The following SYN3 variants were observed in gnomAD, a reference collection of about 807,000 sequenced individuals.
The protein encoded by SYN3 is synapsin-3.
In SYN3, 35 loss-of-function variants were observed where a neutral mutation model predicts 65.8. The observed-to-expected ratio is 0.53, with a 90% CI of 0.41 to 0.70. SYN3 has a LOEUF of 0.70. SYN3 is among the 30% of genes least tolerant of loss of function. The probability of loss-of-function intolerance (pLI) is 0.00; values close to 1 mark genes in which losing one functional copy is unlikely to be tolerated. For synonymous variants in SYN3, 270 were observed against 292.9 expected, an observed-to-expected ratio of 0.92 and a Z score of 0.80; for missense variants, 680 against 749.0, an observed-to-expected ratio of 0.91 and a Z score of 1.08.
At position 32,920,141 on chromosome 22, in the gene SYN3, C is replaced by T. The variant is rs138806406; in HGVS notation, c.461+11249G>A. The stretch of plus-strand genomic sequence containing the variant: ...TCTGACCTTCTAATGAGCGGATGCA[C>T]ATTATCAGCCGCTGCGGTTTGAACG... On this transcript the variant is annotated intron_variant, in intron 4 of 13. Coordinates refer to ENST00000358763, the MANE Select transcript of SYN3 (RefSeq NM_003490.4). Among the ~76,000 whole-genome samples the T allele has an allele frequency of 3.1e-3, 466 of 152,328 alleles. 3 individuals are homozygous for T. The highest frequency in any genetic ancestry group is 6.8e-3 in the Middle Eastern group (2 of 294).
intron 10 of SYN3, among the ~76,000 whole-genome samples, chr22:32,530,470 C>T (rs528038011): frequency 6.6e-6 from 1 of 152,276 alleles, no homozygotes; most frequent in African/African-American, 2.4e-5. Flanking sequence ...AGCACTGGAA[C>T]AGCACACCAG....
intron 2 of SYN3, among the ~76,000 whole-genome samples, chr22:32,985,407 G>A (rs59860687): frequency 0.041 from 6,294 of 152,232 alleles, 471 homozygotes; most frequent in African/African-American, 0.14. Flanking sequence ...CTGTCTCACA[G>A]GTGCAAGGAG....
At chr22:32,885,921 C>T (rs545898379) in intron 4 of SYN3, among the ~76,000 whole-genome samples, 9 of 152,264 alleles carry the variant, frequency 5.9e-5, no homozygotes, top group East Asian at 1.9e-4. Context: ...CTGGCTGAAA[C>T]GAACCAGGAT....
chr22:32,898,464 C>T (rs947995658), intron 4 of SYN3, among the ~76,000 whole-genome samples: 3 of 152,214 alleles, frequency 2.0e-5, no homozygotes, highest in African/African-American at 7.2e-5. Context: ...ACACTTGTAG[C>T]TACTCATCTG....
chr22:32,840,637 C>T (rs1038801705), intron 6 of SYN3, among the ~76,000 whole-genome samples: 5 of 152,010 alleles, frequency 3.3e-5, no homozygotes, highest in African/African-American at 9.7e-5. Flanking sequence ...TCCTTACCGC[C>T]GCCCCCTCCG....
chr22:32,885,609 G>A (rs1475854813), intron 4 of SYN3, among the ~76,000 whole-genome samples: 2 of 151,772 alleles, frequency 1.3e-5, no homozygotes, highest in East Asian at 3.9e-4. Context: ...TGCCCAGGCT[G>A]GAATGCAGTG....
At chr22:32,626,901 G>A (rs16990867) in intron 6 of SYN3, among the ~76,000 whole-genome samples, 15,499 of 152,148 alleles carry the variant, frequency 0.1, 1,926 homozygotes, top group African/African-American at 0.3. Flanking sequence ...AACTGACCTC[G>A]TAAAATGGAA....
intron 6 of SYN3, among the ~76,000 whole-genome samples, chr22:32,619,027 C>G (rs1036320234): frequency 1.3e-5 from 2 of 152,226 alleles, no homozygotes; most frequent in African/African-American, 2.4e-5. Context: ...GACCTCCTCT[C>G]TATAGAATCT....
intron 6 of SYN3, among the ~76,000 whole-genome samples, chr22:32,618,165 C>T (rs367834918): frequency 6.6e-5 from 10 of 152,070 alleles, no homozygotes; most frequent in African/African-American, 1.9e-4. Flanking sequence ...CTTTGATGAT[C>T]GAACGGACAG....
rs561019212 is a variant in SYN3, at chr22:32,928,054, G to A, written c.461+3336C>T. Among the ~76,000 whole-genome samples, 6 of 152,280 alleles carry A rather than the reference G, an allele frequency of 3.9e-5. No homozygotes were observed. In the South Asian group the frequency reaches 8.3e-4, roughly 21 times the overall value. ...AAGTTGAAAATGCATTTATTGGCCG[G>A]GCGCAGTGGCTCACACCTGTAACCT... is the stretch of plus-strand genomic sequence containing the variant. On this transcript the variant is annotated intron_variant, in intron 4 of 13. Coordinates refer to ENST00000358763, the MANE Select transcript of SYN3 (RefSeq NM_003490.4).
Position 32,607,118 on chromosome 22 carries a change from G to C in SYN3, c.712-10382C>G, listed in dbSNP as rs924083640. Among the ~76,000 whole-genome samples, 5 of 150,052 alleles carry C rather than the reference G, an allele frequency of 3.3e-5. No homozygotes were observed. In the Admixed American group the frequency reaches 3.4e-4, roughly 10 times the overall value. On this transcript the variant is annotated intron_variant, in intron 6 of 13. Coordinates refer to ENST00000358763, the MANE Select transcript of SYN3 (RefSeq NM_003490.4). ...CATCACCTCCCCAAGCAGCTGGCTT[G>C]CATCTCCCTGCCTATGTCACAGTCT...
intron 5 of SYN3, among the ~76,000 whole-genome samples, chr22:32,868,004 G>C (rs997209120): frequency 2.6e-5 from 4 of 152,232 alleles, no homozygotes; most frequent in Non-Finnish European, 5.9e-5. Context: ...GTTGGAGAGA[G>C]AGATGGCTTA....
rs1211302723 is a variant in SYN3 at position 32,509,714 on chromosome 22, G to C, written c.*3978C>G. On this transcript the variant is annotated 3_prime_UTR_variant, in exon 14 of 14. Coordinates refer to ENST00000358763, the MANE Select transcript of SYN3 (RefSeq NM_003490.4). ...CTCCCTAGTAGCTGGGACTACAGGC[G>C]CCCGCTACCACGCCCGGCTAATTTT... Among the ~76,000 whole-genome samples, 2 of 151,904 alleles carry C rather than the reference G, an allele frequency of 1.3e-5. No individual in the cohort carries two copies. The highest frequency in any genetic ancestry group is 2.9e-5 in the Non-Finnish European group (2 of 68,014).
At chr22:32,758,210 T>C (rs934123809) in intron 6 of SYN3, among the ~76,000 whole-genome samples, 4 of 152,228 alleles carry the variant, frequency 2.6e-5, no homozygotes, top group African/African-American at 4.8e-5. Flanking sequence ...AGTTGTATTA[T>C]GTTAGGCATA....
chr22:32,576,349 T>C (rs976568609), intron 7 of SYN3, among the ~76,000 whole-genome samples: 1 of 152,190 alleles, frequency 6.6e-6, no homozygotes, highest in Admixed American at 6.5e-5. Context: ...CTGGCTTCGC[T>C]TGTCTGAGCT....
At chr22:33,030,578 G>C (rs1413819692) in intron 1 of SYN3, among the ~76,000 whole-genome samples, 2 of 151,324 alleles carry the variant, frequency 1.3e-5, no homozygotes, top group African/African-American at 2.4e-5. Context: ...GAGAGATAGA[G>C]ACAGAGAGAG....
At chr22:32,660,888 C>T (rs1040886124) in intron 6 of SYN3, among the ~76,000 whole-genome samples, 2 of 152,126 alleles carry the variant, frequency 1.3e-5, no homozygotes, top group African/African-American at 4.8e-5. Context: ...GCTTCTTGGG[C>T]CATTAACATC....
intron 7 of SYN3, among the ~76,000 whole-genome samples, chr22:32,570,595 G>A (rs901024068): frequency 1.3e-5 from 2 of 151,580 alleles, no homozygotes; most frequent in Non-Finnish European, 2.9e-5. Flanking sequence ...GAGAGGGTGG[G>A]GTGCTGAGAA....
At chr22:32,736,057 A>T (rs5994614) in intron 6 of SYN3, among the ~76,000 whole-genome samples, 3 of 152,150 alleles carry the variant, frequency 2.0e-5, no homozygotes, top group Admixed American at 2.0e-4. Context: ...CAACCCTCTC[A>T]TTTTATTGTG....
Sources: gnomAD v4.1 joint callset for allele counts (sites outside exome capture counted in the v4.1 genomes callset) on GRCh38, gnomAD v4.1.1 for gene constraint, MANE v1.5 for transcripts, NCBI Gene and HGNC (gene_info 2026-07-23, HGNC 2026-07-21) for gene names.